The following SRPK2 variants were observed in gnomAD, a reference collection of about 807,000 sequenced individuals.
The protein encoded by SRPK2 is SRSF protein kinase 2.
SRPK2 carries 21 observed loss-of-function variants against 90.8 expected under a neutral mutation model. That is an observed-to-expected ratio of 0.23 (90% CI 0.16 to 0.33). SRPK2 has a LOEUF of 0.33. Among genes scored for constraint, SRPK2 ranks in the 10% least tolerant of loss-of-function variants. The probability of loss-of-function intolerance (pLI) is 1.00; values close to 1 mark genes in which losing one functional copy is unlikely to be tolerated. For missense variants in SRPK2, 620 were observed against 869.0 expected, an observed-to-expected ratio of 0.71 and a Z score of 3.60; for synonymous variants, 288 against 311.1, an observed-to-expected ratio of 0.93 and a Z score of 0.78.
At chr7:105,236,926 G>A (rs6950104) in intron 2 of SRPK2, among the ~76,000 whole-genome samples, 65,672 of 152,118 alleles carry the variant, frequency 0.43, 15,624 homozygotes, top group Non-Finnish European at 0.53. Context: ...TTCATGCAGT[G>A]CTGAGAGATG....
At position 105,124,902 on chromosome 7, in the gene SRPK2, C is replaced by T. The variant is rs528337438; in HGVS notation, c.1915+1346G>A. Among the ~76,000 whole-genome samples, 11 of 151,598 alleles carry T rather than the reference C, an allele frequency of 7.3e-5. No homozygotes were observed. In the South Asian group the frequency reaches 1.2e-3, roughly 17 times the overall value. ...ATCCCAGCACTTTGGAAGGCTAAGG[C>T]GGGTGGATCACTTGAGGTCAGGAGT... On this transcript the variant is annotated intron_variant, in intron 15 of 15. Coordinates refer to ENST00000393651, the MANE Select transcript of SRPK2 (RefSeq NM_182692.3).
At chr7:105,253,143 A>C (rs1269023951) in intron 2 of SRPK2, among the ~76,000 whole-genome samples, 1 of 152,234 alleles carries the variant, frequency 6.6e-6, no homozygotes, top group African/African-American at 2.4e-5. Context: ...ACCTGTCTTT[A>C]GAAAGAAGCA....
At chr7:105,260,172 A>C (rs1377751498) in intron 2 of SRPK2, among the ~76,000 whole-genome samples, 1 of 152,214 alleles carries the variant, frequency 6.6e-6, no homozygotes, top group Non-Finnish European at 1.5e-5. Flanking sequence ...TCTACCAAGA[A>C]CTTAAACCAA....
intron 2 of SRPK2, among the ~76,000 whole-genome samples, chr7:105,386,040 C>T (rs1383100447): frequency 1.3e-5 from 2 of 152,288 alleles, no homozygotes; most frequent in South Asian, 2.1e-4. Context: ...ACCGGCCGGG[C>T]TTGGTGGCTC....
rs541332302 is a variant in SRPK2, at chr7:105,149,466, A to C, written c.622-2808T>G. Among the ~76,000 whole-genome samples the C allele has an allele frequency of 1.2e-4, 18 of 151,772 alleles. 1 individual carries two copies. Among genetic ancestry groups the C allele is most frequent in the Admixed American group, 1.2e-3 (18 of 15,294 alleles). ...TCCTACTACATTCCTTTTTGCTGAA[A>C]TAATGAAGATAATAATCAATAAAAA... On this transcript the variant is annotated intron_variant, in intron 7 of 15. Transcript: ENST00000393651.
chr7:105,344,620 T>C (rs2131945232), intron 2 of SRPK2, among the ~76,000 whole-genome samples: 1 of 152,092 alleles, frequency 6.6e-6, no homozygotes, highest in Admixed American at 6.6e-5. Context: ...TTACAAGCCA[T>C]ACAAACACAC....
At chr7:105,124,940 T>G (rs1245832148) in intron 15 of SRPK2, among the ~76,000 whole-genome samples, 1 of 151,910 alleles carries the variant, frequency 6.6e-6, no homozygotes, top group Non-Finnish European at 1.5e-5. Flanking sequence ...GAGACCAGCC[T>G]GGCCAACACA....
intron 2 of SRPK2, among the ~76,000 whole-genome samples, chr7:105,341,839 C>T (rs985481139): frequency 2.0e-5 from 3 of 151,830 alleles, no homozygotes; most frequent in Non-Finnish European, 4.4e-5. Flanking sequence ...TGGTGGCCCG[C>T]GCCTGTAATC....
In SRPK2 at chr7:105,168,746, TGTG is replaced by T. The variant is rs1790421375; in HGVS notation, c.338+408_338+410del. On this transcript the variant is annotated intron_variant, in intron 4 of 15. Coordinates refer to ENST00000393651, the MANE Select transcript of SRPK2 (RefSeq NM_182692.3). The stretch of plus-strand genomic sequence containing the variant: ...CACACACACACACACACGCACCAAA[TGTG>T]TGTGTGTGTGTGTGTGTGTGTGTGT... 2.7e-4 allele frequency among the ~76,000 whole-genome samples: 3 copies of T among 11,280 alleles called. No individual in the cohort carries two copies. In the South Asian group the frequency reaches 4.7e-3, roughly 18 times the overall value. 7.4% of individuals were successfully genotyped at this position (11,280 alleles called of 152,430 possible).
intron 2 of SRPK2, among the ~76,000 whole-genome samples, chr7:105,347,307 C>T (rs1357348012): frequency 2.6e-5 from 4 of 151,994 alleles, no homozygotes; most frequent in Non-Finnish European, 5.9e-5. Context: ...AGCAATCCTC[C>T]GGCTTCAGTC....
At chr7:105,178,473 C>CA (rs1319375284) in intron 3 of SRPK2, among the ~76,000 whole-genome samples, 1 of 152,102 alleles carries the variant, frequency 6.6e-6, no homozygotes, top group Non-Finnish European at 1.5e-5. Flanking sequence ...AGAGGAAAAA[C>CA]CAGAGCAAAG....
chr7:105,148,143 A>G (rs979336619), intron 7 of SRPK2, among the ~76,000 whole-genome samples: 1 of 152,192 alleles, frequency 6.6e-6, no homozygotes, highest in Non-Finnish European at 1.5e-5. Flanking sequence ...GAGGGTTCCA[A>G]TTCTTCGCCC....
At chr7:105,250,456 C>T (rs1441472695) in intron 2 of SRPK2, among the ~76,000 whole-genome samples, 2 of 151,972 alleles carry the variant, frequency 1.3e-5, no homozygotes, top group Non-Finnish European at 2.9e-5. Flanking sequence ...CAAAAGTTGG[C>T]TGTGTTGGAT....
At chr7:105,163,417 A>T (rs995353395) in intron 6 of SRPK2, among the ~76,000 whole-genome samples, 1 of 152,196 alleles carries the variant, frequency 6.6e-6, no homozygotes, top group Admixed American at 6.5e-5. Flanking sequence ...CAGTTTACAA[A>T]TGAATAACCG....
At chr7:105,345,091 G>A (rs1016422370) in intron 2 of SRPK2, among the ~76,000 whole-genome samples, 1 of 150,426 alleles carries the variant, frequency 6.6e-6, no homozygotes, top group Non-Finnish European at 1.5e-5. Flanking sequence ...AGCCAAGATC[G>A]CACCATTGCA....
intron 2 of SRPK2, among the ~76,000 whole-genome samples, chr7:105,310,138 G>A (rs1364421800): frequency 1.3e-5 from 2 of 152,198 alleles, no homozygotes; most frequent in East Asian, 3.9e-4. Context: ...ACACAAAGGT[G>A]TAAGGCTAGG....
At position 105,195,815 on chromosome 7, in the gene SRPK2, T is replaced by C. The variant is rs73405834; in HGVS notation, c.229+7813A>G. Among the ~76,000 whole-genome samples, 492 of 152,326 alleles carry C rather than the reference T, an allele frequency of 3.2e-3. 3 individuals carry two copies. The highest frequency in any genetic ancestry group is 0.011 in the African/African-American group (471 of 41,580). The stretch of plus-strand genomic sequence containing the variant: ...CACACTTAGATGAAAAAAAAGATAT[T>C]TGAGCAGTCTATTCATTCAGTCACT... On this transcript the variant is annotated intron_variant, in intron 3 of 15. Transcript: ENST00000393651.
chr7:105,273,209 C>T (rs561274499), intron 2 of SRPK2, among the ~76,000 whole-genome samples: 128 of 150,360 alleles, frequency 8.5e-4, no homozygotes, highest in African/African-American at 3.1e-3. Context: ...AGAGAGACTC[C>T]GTCTCAAAAA....
rs561288645 is a variant in SRPK2, at chr7:105,203,737, T to C, written c.120A>G (p.Pro40=). Residue 40 remains proline (P), a synonymous_variant, in exon 3 of 16, where the codon CCA becomes CCG. Coordinates refer to ENST00000393651, the MANE Select transcript of SRPK2 (RefSeq NM_182692.3). ...KAPLVPPPPP[P]PPPPPPPLPD... is the part of the protein sequence containing the mutation. ...GCAAAGGTGGCGGTGGTGGTGGTGGTGGCGGTGGAGGAGGAGGAACTAAAG... is the reference window on the plus strand; with the variant it reads ...GCAAAGGTGGCGGTGGTGGTGGTGGCGGCGGTGGAGGAGGAGGAACTAAAG... 14 of 1,365,778 alleles carry C rather than the reference T, an allele frequency of 1.0e-5. No individual in the cohort carries two copies. The Middle Eastern group carries it at 1.3e-3, about 124-fold the overall frequency. 84.6% of individuals were successfully genotyped at this position (1,365,778 alleles called of 1,614,324 possible).
Sources: allele counts gnomAD v4.1 joint callset (sites outside exome capture counted in the v4.1 genomes callset), GRCh38; gene constraint gnomAD v4.1.1; transcripts MANE v1.5; gene names NCBI Gene and HGNC (gene_info 2026-07-23, HGNC 2026-07-21).